TMEM131: variants seen among roughly 807,000 people sequenced by gnomAD.
TMEM131 encodes transmembrane protein 131.
Under a neutral mutation model 211.6 loss-of-function variants are expected in TMEM131, and 66 were observed. The ratio of observed to expected loss-of-function variants is 0.31; its 90% CI spans 0.26 to 0.38. The LOEUF is 0.38. TMEM131 is among the 10% of genes least tolerant of loss of function. The pLI, the probability that TMEM131 is intolerant of heterozygous loss-of-function variation, is 1.00. For missense variants in TMEM131, 2,036 were observed against 2,299.3 expected (o/e 0.89, Z 2.34); for synonymous variants, 844 against 841.3 (o/e 1.00, Z -0.06).
intron 1 of TMEM131, among the ~76,000 whole-genome samples, chr2:97,933,143 G>A (rs1280528363): frequency 6.6e-6 from 1 of 152,160 alleles, no homozygotes; most frequent in East Asian, 1.9e-4. Context: ...TTAGCACAAT[G>A]ATTAAATGGC....
intron 1 of TMEM131, among the ~76,000 whole-genome samples, 188 bp downstream of exon 1, chr2:97,995,288 A>G (rs1366499081): frequency 1.3e-5 from 2 of 152,208 alleles, no homozygotes; most frequent in Non-Finnish European, 2.9e-5. Flanking sequence ...AGGCACGGGA[A>G]GGAATCACGG....
chr2:97,930,442 A>C (rs1677171419), intron 1 of TMEM131, among the ~76,000 whole-genome samples: 1 of 151,832 alleles, frequency 6.6e-6, no homozygotes, highest in Admixed American at 6.6e-5. Flanking sequence ...TCATATTTTA[A>C]AAAGTATGAG....
chr2:97,966,119 T>C (rs924603725), intron 1 of TMEM131, among the ~76,000 whole-genome samples: 4 of 151,738 alleles, frequency 2.6e-5, no homozygotes, highest in African/African-American at 9.7e-5. Context: ...ATAAAACAAA[T>C]TTCTATCATG....
At chr2:97,853,776 G>T (rs1673725595) in intron 5 of TMEM131, among the ~76,000 whole-genome samples, 2 of 152,138 alleles carry the variant, frequency 1.3e-5, no homozygotes, top group South Asian at 4.1e-4. Context: ...CAAGAGAAAA[G>T]AATTAGAAGT....
intron 4 of TMEM131, among the ~76,000 whole-genome samples, chr2:97,884,491 A>G (rs1675061326): frequency 6.6e-6 from 1 of 152,166 alleles, no homozygotes; most frequent in South Asian, 2.1e-4. Context: ...TTCTGTCTAG[A>G]TGACCTGTCC....
chr2:97,891,651 C>T (rs1363318013), intron 3 of TMEM131, among the ~76,000 whole-genome samples: 1 of 152,086 alleles, frequency 6.6e-6, no homozygotes, highest in African/African-American at 2.4e-5. Flanking sequence ...GCAGGAAACT[C>T]CCAAATCAAA....
chr2:97,782,570 T>C (rs1316212942), intron 31 of TMEM131, among the ~76,000 whole-genome samples: 1 of 152,020 alleles, frequency 6.6e-6, no homozygotes, highest in Non-Finnish European at 1.5e-5. Context: ...AAAGCCATCA[T>C]AAAAATGCTT....
At chr2:97,845,111 G>A (rs1458809273) in intron 5 of TMEM131, among the ~76,000 whole-genome samples, 1 of 150,572 alleles carries the variant, frequency 6.6e-6, no homozygotes, top group Non-Finnish European at 1.5e-5. Context: ...ATTATATTAC[G>A]GTAATGTAGT....
chr2:97,815,006 C>T (rs1165483639), intron 13 of TMEM131, among the ~76,000 whole-genome samples, 193 bp downstream of exon 13: 1 of 152,108 alleles, frequency 6.6e-6, no homozygotes, highest in Non-Finnish European at 1.5e-5. Context: ...CCCACTTACC[C>T]TTTTCTTCTA....
At chr2:97,970,732 G>A (rs1348143752) in intron 1 of TMEM131, among the ~76,000 whole-genome samples, 2 of 152,152 alleles carry the variant, frequency 1.3e-5, no homozygotes, top group East Asian at 3.9e-4. Context: ...CTGAAGCAAG[G>A]ACAAAGTGCT....
intron 1 of TMEM131, among the ~76,000 whole-genome samples, chr2:97,948,655 T>C (rs1473301055): frequency 1.3e-5 from 2 of 151,818 alleles, no homozygotes; most frequent in African/African-American, 4.8e-5. Flanking sequence ...GTAGTTTCTT[T>C]TTTTTTTATT....
At chr2:97,867,826 A>G (rs74868853) in intron 4 of TMEM131, among the ~76,000 whole-genome samples, 2,983 of 152,294 alleles carry the variant, frequency 0.02, 116 homozygotes, top group African/African-American at 0.067. Flanking sequence ...GGGAGCTTCT[A>G]TAACAAGGAG....
chr2:97,931,314 T>C lies in TMEM131; in HGVS notation c.188-3827A>G, dbSNP rs967949787. ...TGTCTGTGAGTAACAAAGCCATTTA[T>C]AATCAGTGTAAAAATGTCAATGTGT... On this transcript the variant is annotated intron_variant, in intron 1 of 40. Coordinates refer to ENST00000186436, the MANE Select transcript of TMEM131 (RefSeq NM_015348.2). 4.0e-5 allele frequency among the ~76,000 whole-genome samples: 6 copies of C among 149,428 alleles called. No individual in the cohort carries two copies. The South Asian group carries it at 1.0e-3, about 26-fold the overall frequency.
At chr2:97,995,396 T>C in intron 1 of TMEM131, 80 bp downstream of exon 1, 4 of 1,253,938 alleles carry the variant, frequency 3.2e-6, no homozygotes, top group Non-Finnish European at 3.0e-6. Flanking sequence ...CCGCGGCCCT[T>C]CCTCCCGGCC....
intron 15 of TMEM131, among the ~76,000 whole-genome samples, chr2:97,813,391 C>T (rs1227594135): frequency 6.6e-6 from 1 of 152,166 alleles, no homozygotes; most frequent in Non-Finnish European, 1.5e-5. Flanking sequence ...TCTTTCCTAA[C>T]AGTTTTCTCT....
chr2:97,835,997 T>G (rs1682924073), intron 8 of TMEM131, among the ~76,000 whole-genome samples: 1 of 152,374 alleles, frequency 6.6e-6, no homozygotes, highest in South Asian at 2.1e-4. Context: ...TCACAGGAAG[T>G]TCTTAGTTCT....
Position 97,766,456 on chromosome 2 carries a change from A to G in TMEM131, c.4573+22T>C, listed in dbSNP as rs1679171703. ...ATGAAAAGATCCGTAAGACATGATC[A>G]TAGAGAACAAGATGACAATACCTTT... is the stretch of plus-strand genomic sequence containing the variant. On this transcript the variant is annotated intron_variant, in intron 34 of 40. Coordinates refer to ENST00000186436, the MANE Select transcript of TMEM131 (RefSeq NM_015348.2). 3.1e-6 allele frequency: 5 copies of G among 1,613,956 alleles called. No homozygotes were observed. In the African/African-American group the frequency reaches 4.0e-5, roughly 13 times the overall value.
At chr2:97,849,306 C>A (rs1273543277) in intron 5 of TMEM131, among the ~76,000 whole-genome samples, 3 of 152,106 alleles carry the variant, frequency 2.0e-5, no homozygotes, top group African/African-American at 7.2e-5. Context: ...ACTGGAAACA[C>A]CCCAAAAGTC....
chr2:97,970,038 T>C (rs569275780), intron 1 of TMEM131, among the ~76,000 whole-genome samples: 2 of 152,312 alleles, frequency 1.3e-5, no homozygotes, highest in South Asian at 4.1e-4. Context: ...ATAGTACTGC[T>C]GAAACACAGA....
Sources: gnomAD v4.1 joint callset for allele counts (sites outside exome capture counted in the v4.1 genomes callset) on GRCh38, gnomAD v4.1.1 for gene constraint, MANE v1.5 for transcripts, NCBI Gene and HGNC (gene_info 2026-07-23, HGNC 2026-07-21) for gene names.